GMDS: variants seen among roughly 807,000 people sequenced by gnomAD.
GMDS encodes GDP-mannose 4,6 dehydratase.
Under a neutral mutation model 49.9 loss-of-function variants are expected in GMDS, and 20 were observed. That is an observed-to-expected ratio of 0.40 (90% confidence interval 0.28 to 0.58). The LOEUF (loss-of-function observed/expected upper bound fraction) is 0.58. GMDS is among the 20% of genes least tolerant of loss of function. The probability of loss-of-function intolerance (pLI) is 0.42; values close to 1 mark genes in which losing one functional copy is unlikely to be tolerated. For missense variants in GMDS, 362 were observed against 481.4 expected, an observed-to-expected ratio of 0.75 and a Z score of 2.32; for synonymous variants, 177 against 178.6, an observed-to-expected ratio of 0.99 and a Z score of 0.07.
chr6:1,938,227 C>T (rs1290568235), intron 6 of GMDS, among the ~76,000 whole-genome samples: 1 of 152,138 alleles, frequency 6.6e-6, no homozygotes, highest in East Asian at 1.9e-4. Flanking sequence ...TAAATAGCTC[C>T]CTGGGTCTCC....
At chr6:1,859,053 T>G (rs1194705237) in intron 7 of GMDS, among the ~76,000 whole-genome samples, 4 of 152,218 alleles carry the variant, frequency 2.6e-5, no homozygotes, top group Admixed American at 2.6e-4. Context: ...CCTACAGGTC[T>G]GTGCTTTGTT....
At chr6:1,930,735 G>C (rs913406168) in intron 6 of GMDS, 1 of 152,204 alleles carries the variant, frequency 6.6e-6, no homozygotes, top group African/African-American at 2.4e-5. Flanking sequence ...CTAGTTAAAG[G>C]AAACAAGAAA....
intron 7 of GMDS, among the ~76,000 whole-genome samples, chr6:1,917,894 G>A (rs572576423): frequency 1.3e-5 from 2 of 152,312 alleles, no homozygotes; most frequent in African/African-American, 4.8e-5. Flanking sequence ...TGTCGTCTGA[G>A]CATGTGGGTG....
chr6:1,855,506 C>T (rs1276395758), intron 7 of GMDS, among the ~76,000 whole-genome samples: 1 of 152,112 alleles, frequency 6.6e-6, no homozygotes, highest in Non-Finnish European at 1.5e-5. Context: ...GTCCAGAATG[C>T]AGTCTAGAGA....
intron 1 of GMDS, among the ~76,000 whole-genome samples, chr6:2,180,564 G>A (rs1471808293): frequency 2.0e-5 from 3 of 152,010 alleles, no homozygotes; most frequent in Non-Finnish European, 4.4e-5. Flanking sequence ...AAGCTATATA[G>A]TAGCCCACAA....
rs984980384 is a variant in GMDS at position 1,830,202 on chromosome 6, A to ACATT, written c.772-87620_772-87617dup. Among the ~76,000 whole-genome samples the ACATT allele has an allele frequency of 6.0e-4, 91 of 152,236 alleles. 2 individuals are homozygous for ACATT. Among genetic ancestry groups the ACATT allele is most frequent in the Non-Finnish European group, 5.9e-5 (4 of 68,042 alleles). ...TCATGTGGGACATTGCAGATATAGA[A>ACATT]CATTCCCATAAGCAGATAAAATTCT... On this transcript the variant is annotated intron_variant, in intron 7 of 10. Transcript: ENST00000380815.
In GMDS at chr6:1,887,578, C is replaced by T. The variant is rs141642844; in HGVS notation, c.771+42525G>A. On this transcript the variant is annotated intron_variant, in intron 7 of 10. Coordinates refer to ENST00000380815, the MANE Select transcript of GMDS (RefSeq NM_001500.4). ...TGCTCTGCCTTCATTATCAATCATCCTTCTCTACCGGTTCCTTTCCTTCTG... is the reference window on the plus strand; with the variant it reads ...TGCTCTGCCTTCATTATCAATCATCTTTCTCTACCGGTTCCTTTCCTTCTG... Among the ~76,000 whole-genome samples the T allele has an allele frequency of 2.3e-3, 346 of 152,230 alleles. 1 individual carries two copies. The highest frequency in any genetic ancestry group is 8.0e-3 in the African/African-American group (332 of 41,546).
At chr6:2,077,890 G>A (rs917295148) in intron 4 of GMDS, among the ~76,000 whole-genome samples, 8 of 151,874 alleles carry the variant, frequency 5.3e-5, no homozygotes, top group Non-Finnish European at 1.0e-4. Context: ...GGTAGAATTC[G>A]GCCAAGAATC....
At chr6:1,909,517 G>T (rs1467799911) in intron 7 of GMDS, among the ~76,000 whole-genome samples, 1 of 152,200 alleles carries the variant, frequency 6.6e-6, no homozygotes, top group African/African-American at 2.4e-5. Context: ...AGTGTAAGCT[G>T]CCCTCCTTTT....
chr6:2,068,205 AAACTC>A (rs1217071575), intron 4 of GMDS, among the ~76,000 whole-genome samples: 1 of 152,186 alleles, frequency 6.6e-6, no homozygotes, highest in African/African-American at 2.4e-5. Flanking sequence ...GCCTTTGACA[AAACTC>A]AACAACGCTT....
At chr6:2,068,215 A>G (rs1235802403) in intron 4 of GMDS, among the ~76,000 whole-genome samples, 1 of 152,110 alleles carries the variant, frequency 6.6e-6, no homozygotes, top group African/African-American at 2.4e-5. Flanking sequence ...AAACTCAACA[A>G]CGCTTCATGC....
intron 7 of GMDS, among the ~76,000 whole-genome samples, chr6:1,860,451 G>A (rs981150221): frequency 3.3e-5 from 5 of 152,180 alleles, no homozygotes; most frequent in African/African-American, 1.2e-4. Context: ...AGATTATAAG[G>A]TGGGGGCTGG....
chr6:2,003,588 C>G (rs546378487), intron 4 of GMDS, among the ~76,000 whole-genome samples: 1 of 152,126 alleles, frequency 6.6e-6, no homozygotes, highest in South Asian at 2.1e-4. Flanking sequence ...AGACTTGCTA[C>G]GACTGAAGAG....
At chr6:1,907,888 AT>A (rs1760855778) in intron 7 of GMDS, among the ~76,000 whole-genome samples, 1 of 152,230 alleles carries the variant, frequency 6.6e-6, no homozygotes, top group Non-Finnish European at 1.5e-5. Context: ...GATACCTGAA[AT>A]TGCAAATACC....
At chr6:2,180,640 T>C (rs1272578456) in intron 1 of GMDS, among the ~76,000 whole-genome samples, 3 of 152,110 alleles carry the variant, frequency 2.0e-5, no homozygotes, top group African/African-American at 7.2e-5. Context: ...ACATAAATTA[T>C]ATATAAATAA....
chr6:2,172,220 T>C (rs1331417581), intron 1 of GMDS, among the ~76,000 whole-genome samples: 1 of 152,162 alleles, frequency 6.6e-6, no homozygotes, highest in Non-Finnish European at 1.5e-5. Flanking sequence ...AAAAATGAGA[T>C]ACTACCTCTC....
At chr6:2,140,325 C>G (rs1776224184) in intron 1 of GMDS, among the ~76,000 whole-genome samples, 1 of 152,096 alleles carries the variant, frequency 6.6e-6, no homozygotes, top group South Asian at 2.1e-4. Flanking sequence ...ATTCCAGCAG[C>G]CACTAGAAGT....
intron 1 of GMDS, among the ~76,000 whole-genome samples, chr6:2,183,607 G>T (rs1001873823): frequency 6.6e-6 from 1 of 152,196 alleles, no homozygotes; most frequent in Non-Finnish European, 1.5e-5. Flanking sequence ...AGCAGCAGCA[G>T]GGTTTGAGAA....
At chr6:1,747,523 C>T (rs9405509) in intron 7 of GMDS, among the ~76,000 whole-genome samples, 13,640 of 151,406 alleles carry the variant, frequency 0.09, 689 homozygotes, top group African/African-American at 0.13. Context: ...TGTATGTATA[C>T]GCATTTCAGG....
Sources: allele counts gnomAD v4.1 joint callset (sites outside exome capture counted in the v4.1 genomes callset), GRCh38; gene constraint gnomAD v4.1.1; transcripts MANE v1.5; gene names NCBI Gene and HGNC (gene_info 2026-07-23, HGNC 2026-07-21).